SLC26A7: variants seen among roughly 807,000 people sequenced by gnomAD.
The protein encoded by SLC26A7 is solute carrier family 26 member 7.
SLC26A7 carries 59 observed loss-of-function variants against 82.5 expected under a neutral mutation model. That is an observed-to-expected ratio of 0.72 (90% confidence interval 0.58 to 0.89). The LOEUF (loss-of-function observed/expected upper bound fraction) is 0.89. SLC26A7 is among the 40% of genes least tolerant of loss of function. SLC26A7 has a pLI of 0.00. For missense variants in SLC26A7, 820 were observed against 793.0 expected (o/e 1.03, Z -0.41); for synonymous variants, 271 against 274.3 (o/e 0.99, Z 0.12).
intron 4 of SLC26A7, among the ~76,000 whole-genome samples, chr8:91,312,213 A>T (rs945355667): frequency 6.6e-6 from 1 of 152,108 alleles, no homozygotes; most frequent in African/African-American, 2.4e-5. Context: ...AGTATTTGCC[A>T]TTTTGAGACT....
At chr8:91,226,958 A>G (rs1292846928) in intron 2 of SLC26A7, among the ~76,000 whole-genome samples, 1 of 152,248 alleles carries the variant, frequency 6.6e-6, no homozygotes, top group Non-Finnish European at 1.5e-5. Flanking sequence ...TTGCATGGTC[A>G]TATATCAAGT....
intron 2 of SLC26A7, among the ~76,000 whole-genome samples, chr8:91,275,102 A>G (rs1389099581): frequency 6.6e-6 from 1 of 152,228 alleles, no homozygotes; most frequent in East Asian, 1.9e-4. Context: ...GTTAAAAAAC[A>G]GAAACAGAAA....
intron 2 of SLC26A7, among the ~76,000 whole-genome samples, chr8:91,253,339 A>C (rs1233565000): frequency 1.3e-5 from 2 of 152,078 alleles, no homozygotes; most frequent in Non-Finnish European, 2.9e-5. Context: ...CTAGCATACG[A>C]CCAGCTGCCA....
chr8:91,352,374 G>C (rs1433536312), intron 10 of SLC26A7, among the ~76,000 whole-genome samples: 1 of 152,062 alleles, frequency 6.6e-6, no homozygotes, highest in Non-Finnish European at 1.5e-5. Flanking sequence ...GGGCTTATGA[G>C]AGCCAGTCTC....
chr8:91,256,567 A>G (rs1586327587), intron 2 of SLC26A7, among the ~76,000 whole-genome samples: 1 of 152,102 alleles, frequency 6.6e-6, no homozygotes, highest in African/African-American at 2.4e-5. Flanking sequence ...ATGTGCCTCT[A>G]CAGTTTCCCA....
At chr8:91,288,969 A>G (rs1455904112) in intron 2 of SLC26A7, among the ~76,000 whole-genome samples, 167 bp from the exon 3 acceptor site, 1 of 152,242 alleles carries the variant, frequency 6.6e-6, no homozygotes, top group Non-Finnish European at 1.5e-5. Flanking sequence ...AATGAACTAA[A>G]GCGTGAATTT....
chr8:91,341,714 C>G (rs1813420463), intron 8 of SLC26A7, among the ~76,000 whole-genome samples: 1 of 152,112 alleles, frequency 6.6e-6, no homozygotes. Flanking sequence ...GTAAGAGCCT[C>G]TCTCATGGCT....
intron 5 of SLC26A7, among the ~76,000 whole-genome samples, chr8:91,326,934 T>C (rs963389622): frequency 3.3e-5 from 5 of 152,212 alleles, no homozygotes; most frequent in African/African-American, 1.2e-4. Context: ...CCTTCCCTGC[T>C]GTTTGTTCTT....
At chr8:91,242,777 C>T (rs535542887) in intron 2 of SLC26A7, among the ~76,000 whole-genome samples, 1 of 152,232 alleles carries the variant, frequency 6.6e-6, no homozygotes, top group Non-Finnish European at 1.5e-5. Flanking sequence ...CTTGTTTAAG[C>T]CACCCAGTCT....
upstream of SLC26A7, among the ~76,000 whole-genome samples, chr8:91,246,711 A>C (rs10108572): frequency 3.4e-3 from 517 of 152,044 alleles, 3 homozygotes; most frequent in Middle Eastern, 0.014. Flanking sequence ...AAAAAAAAAA[A>C]AAAACAAAAC....
chr8:91,305,714 A>G (rs969803975), intron 4 of SLC26A7, among the ~76,000 whole-genome samples: 1 of 152,110 alleles, frequency 6.6e-6, no homozygotes, highest in Non-Finnish European at 1.5e-5. Context: ...TCTAAATTCC[A>G]GTGAATTTCT....
intron 9 of SLC26A7, among the ~76,000 whole-genome samples, chr8:91,344,842 C>G (rs757151153): frequency 5.3e-5 from 8 of 152,126 alleles, no homozygotes; most frequent in Admixed American, 3.9e-4. Context: ...TCTTTGTGAT[C>G]TAAATTTGAA....
intron 1 of SLC26A7, among the ~76,000 whole-genome samples, chr8:91,213,991 G>T (rs980175601): frequency 2.0e-5 from 3 of 152,042 alleles, no homozygotes; most frequent in African/African-American, 7.2e-5. Context: ...TACTGAACAT[G>T]TGGGGGAAAA....
At chr8:91,310,769 T>C (rs898506459) in intron 4 of SLC26A7, among the ~76,000 whole-genome samples, 29 of 152,010 alleles carry the variant, frequency 1.9e-4, no homozygotes, top group African/African-American at 6.8e-4. Flanking sequence ...CCAGTGTGCA[T>C]GCAGACAGCC....
chr8:91,255,717 G>T (rs951040236), intron 2 of SLC26A7, among the ~76,000 whole-genome samples: 11 of 152,108 alleles, frequency 7.2e-5, no homozygotes, highest in African/African-American at 2.6e-4. Context: ...TTTGACTCCT[G>T]TTTTATTTTT....
chr8:91,360,113 A>G (rs1814008663), intron 11 of SLC26A7, among the ~76,000 whole-genome samples: 1 of 152,226 alleles, frequency 6.6e-6, no homozygotes, highest in South Asian at 2.1e-4. Context: ...AAGTTTGAAC[A>G]GCTGAACATT....
chr8:91,212,040 T>C lies in SLC26A7; in HGVS notation c.-150+2498T>C, dbSNP rs112148369. 4.2e-3 allele frequency among the ~76,000 whole-genome samples: 634 copies of C among 152,286 alleles called. 2 individuals carry two copies. Among genetic ancestry groups the C allele is most frequent in the African/African-American group, 0.014 (597 of 41,576 alleles). Reference sequence around the variant, plus strand: ...TGATCATAATTAATCCAGATGCTTTTGTCTTTTTCTAAATGCTATAGTTCT... The same window carrying C: ...TGATCATAATTAATCCAGATGCTTTCGTCTTTTTCTAAATGCTATAGTTCT... On this transcript the variant is annotated intron_variant, in intron 1 of 5. Transcript: ENST00000522862.
At chr8:91,381,858 A>G (rs979025240) in intron 15 of SLC26A7, among the ~76,000 whole-genome samples, 4 of 152,128 alleles carry the variant, frequency 2.6e-5, no homozygotes, top group African/African-American at 9.7e-5. Context: ...TTTAATCCCT[A>G]AAACCTGTAA....
At chr8:91,307,102 C>A (rs1203844453) in intron 4 of SLC26A7, among the ~76,000 whole-genome samples, 2 of 133,924 alleles carry the variant, frequency 1.5e-5, no homozygotes. Context: ...CAATGAGATA[C>A]CATCTCACAC....
Sources: gnomAD v4.1 joint callset for allele counts (sites outside exome capture counted in the v4.1 genomes callset) on GRCh38, gnomAD v4.1.1 for gene constraint, MANE v1.5 for transcripts, NCBI Gene and HGNC (gene_info 2026-07-23, HGNC 2026-07-21) for gene names.